The following CCDC102B variants were observed in gnomAD, a reference collection of about 807,000 sequenced individuals.
CCDC102B encodes the protein coiled-coil domain containing 102B.
CCDC102B carries 75 observed loss-of-function variants against 57.4 expected under a neutral mutation model. The observed-to-expected ratio is 1.31, with a 90% CI of 1.08 to 1.58. The LOEUF (loss-of-function observed/expected upper bound fraction) is 1.58. Ranked by LOEUF, CCDC102B falls within the 40% of genes most tolerant of loss-of-function variation. The probability of loss-of-function intolerance (pLI) is 0.00; values close to 1 mark genes in which losing one functional copy is unlikely to be tolerated. For synonymous variants in CCDC102B, 206 were observed against 201.9 expected (o/e 1.02, Z -0.17); for missense variants, 636 against 582.6 (o/e 1.09, Z -0.94).
rs142225933 is a variant in CCDC102B at position 68,813,774 on chromosome 18, T to TTATATATATATATATA, written c.-16+15597_-16+15612dup. Among the ~76,000 whole-genome samples the TTATATATATATATATA allele has an allele frequency of 3.3e-3, 482 of 145,922 alleles. 2 individuals are homozygous for TTATATATATATATATA. Among genetic ancestry groups the TTATATATATATATATA allele is most frequent in the African/African-American group, 0.012 (463 of 39,634 alleles). Reference sequence around the variant, plus strand: ...GATGAAGTCATATTAAAATATAATTTTATATATATATATATATATCTTTAG... The same window carrying TTATATATATATATATA: ...GATGAAGTCATATTAAAATATAATTTTATATATATATATATATATATATATATATATATATCTTTAG... On this transcript the variant is annotated intron_variant, in intron 1 of 7. Coordinates refer to ENST00000360242, the MANE Select transcript of CCDC102B (RefSeq NM_024781.3).
At chr18:69,009,812 G>T (rs1376975974) in intron 6 of CCDC102B, among the ~76,000 whole-genome samples, 1 of 149,926 alleles carries the variant, frequency 6.7e-6, no homozygotes, top group East Asian at 2.0e-4. Context: ...TGTATATAAA[G>T]TAATATGACA....
chr18:69,052,740 C>A (rs115969991), intron 7 of CCDC102B, among the ~76,000 whole-genome samples: 5,500 of 151,802 alleles, frequency 0.036, 306 homozygotes, highest in African/African-American at 0.13. Flanking sequence ...CCCTCCATAT[C>A]CACGGATTCC....
intron 1 of CCDC102B, among the ~76,000 whole-genome samples, chr18:68,802,638 C>T (rs2035895825): frequency 6.6e-6 from 1 of 152,168 alleles, no homozygotes; most frequent in Non-Finnish European, 1.5e-5. Flanking sequence ...AAGCTCTGGT[C>T]CTGGACCTCA....
chr18:68,837,145 G>T lies in CCDC102B; in HGVS notation c.382G>T (p.Glu128Ter). ...EEGRQLRIKLEMAMKELSTLK... is the reference protein window; with the variant it reads ...EEGRQLRIKL ...AGGAAGACAACTCAGAATAAAACTA[G>T]AGATGGCGATGAAAGAATTGAGTAC... The change falls in exon 2 of 8, where the codon GAG becomes TAG. Residue 128 changes from glutamate (E) to a stop codon, truncating the protein, a stop_gained. Coordinates refer to ENST00000360242, the MANE Select transcript of CCDC102B (RefSeq NM_024781.3). LOFTEE classifies it high-confidence loss of function. 6.2e-7 allele frequency: 1 copy of T among 1,614,050 alleles called. No homozygotes were observed. The highest frequency in any genetic ancestry group is 8.5e-7 in the Non-Finnish European group (1 of 1,179,956).
chr18:69,012,122 T>TA (rs1289103585), intron 7 of CCDC102B, among the ~76,000 whole-genome samples: 3 of 152,116 alleles, frequency 2.0e-5, no homozygotes, highest in Non-Finnish European at 4.4e-5. Flanking sequence ...ATGTACTTTG[T>TA]AATGATATTC....
intron 6 of CCDC102B, among the ~76,000 whole-genome samples, chr18:68,901,640 A>C (rs945021892): frequency 6.6e-6 from 1 of 152,074 alleles, no homozygotes; most frequent in South Asian, 2.1e-4. Flanking sequence ...TGGAATTGCA[A>C]TTTTCCACAT....
chr18:68,866,379 TAAC>T (rs1183474310), intron 4 of CCDC102B: 1 of 152,606 alleles, frequency 6.6e-6, no homozygotes, highest in African/African-American at 2.4e-5. Flanking sequence ...AGGAATAAAA[TAAC>T]AACATAAAAT....
intron 7 of CCDC102B, among the ~76,000 whole-genome samples, chr18:69,026,278 C>T (rs2051987750): frequency 6.6e-6 from 1 of 152,044 alleles, no homozygotes; most frequent in Non-Finnish European, 1.5e-5. Flanking sequence ...CCAGCCTGAC[C>T]AATACGGTGA....
chr18:68,807,471 C>T (rs2036075786), intron 1 of CCDC102B, among the ~76,000 whole-genome samples: 1 of 151,992 alleles, frequency 6.6e-6, no homozygotes, highest in African/African-American at 2.4e-5. Flanking sequence ...ACAGGAATTA[C>T]TTGGGAAAGA....
intron 2 of CCDC102B, among the ~76,000 whole-genome samples, chr18:68,779,596 C>T (rs1309052309): frequency 1.3e-5 from 2 of 151,968 alleles, no homozygotes; most frequent in African/African-American, 4.8e-5. Context: ...TTATTTATGT[C>T]ATGAGTTCTT....
At chr18:68,999,020 A>G (rs2051125463) in intron 6 of CCDC102B, among the ~76,000 whole-genome samples, 1 of 149,696 alleles carries the variant, frequency 6.7e-6, no homozygotes. Flanking sequence ...AGAGAGAGAG[A>G]GAGAGAGAGA....
intron 6 of CCDC102B, among the ~76,000 whole-genome samples, chr18:69,004,399 A>G (rs1468192748): frequency 6.6e-6 from 1 of 152,140 alleles, no homozygotes; most frequent in Non-Finnish European, 1.5e-5. Flanking sequence ...TTGGGCTAGG[A>G]ACAAGTCCTT....
At chr18:68,850,893 C>G (rs150754567) in intron 4 of CCDC102B, among the ~76,000 whole-genome samples, 1 of 152,060 alleles carries the variant, frequency 6.6e-6, no homozygotes, top group Non-Finnish European at 1.5e-5. Flanking sequence ...GTTTATACAT[C>G]ACTTCATTAA....
intron 6 of CCDC102B, among the ~76,000 whole-genome samples, chr18:68,963,969 CACT>C (rs1434307912): frequency 2.0e-5 from 3 of 151,788 alleles, no homozygotes. Flanking sequence ...ATTGCTGGAT[CACT>C]ACTTTCTTCC....
intron 1 of CCDC102B, among the ~76,000 whole-genome samples, chr18:68,836,425 C>T (rs1226110963): frequency 6.6e-6 from 1 of 151,860 alleles, no homozygotes; most frequent in African/African-American, 2.4e-5. Flanking sequence ...GTCAGGAGAT[C>T]GAGACCATCC....
At chr18:68,823,883 G>A (rs1472554982) in intron 1 of CCDC102B, among the ~76,000 whole-genome samples, 3 of 151,578 alleles carry the variant, frequency 2.0e-5, no homozygotes, top group African/African-American at 4.9e-5. Context: ...CATGTCCTTC[G>A]CCCACTTTTT....
chr18:68,756,934 C>T (rs951533178), intron 2 of CCDC102B, among the ~76,000 whole-genome samples: 2 of 151,466 alleles, frequency 1.3e-5, no homozygotes, highest in African/African-American at 2.4e-5. Flanking sequence ...CATGTCTATG[C>T]GTGTGTGGGT....
At chr18:68,736,495 C>T (rs560515014) in intron 2 of CCDC102B, among the ~76,000 whole-genome samples, 45 of 152,170 alleles carry the variant, frequency 3.0e-4, no homozygotes, top group African/African-American at 7.9e-4. Context: ...CCTTGCACCG[C>T]GCACATCTTT....
intron 6 of CCDC102B, among the ~76,000 whole-genome samples, chr18:68,913,410 G>T (rs111728145): frequency 9.3e-5 from 14 of 150,184 alleles, no homozygotes; most frequent in African/African-American, 3.2e-4. Flanking sequence ...ACTTTGGGAG[G>T]CTGAGGTGGG....
Sources: gnomAD v4.1 joint callset for allele counts (sites outside exome capture counted in the v4.1 genomes callset) on GRCh38, gnomAD v4.1.1 for gene constraint, MANE v1.5 for transcripts, NCBI Gene and HGNC (gene_info 2026-07-23, HGNC 2026-07-21) for gene names.